The following PRIM2 variants were observed in gnomAD, a reference collection of about 807,000 sequenced individuals.
PRIM2 encodes DNA primase subunit 2.
Under a neutral mutation model 67.3 loss-of-function variants are expected in PRIM2, and 39 were observed. The ratio of observed to expected loss-of-function variants is 0.58; its 90% CI spans 0.45 to 0.76. PRIM2 has a LOEUF of 0.76. Ranked by LOEUF, PRIM2 falls within the 30% of genes least tolerant of loss-of-function variation. The pLI is 0.00. For synonymous variants in PRIM2, 143 were observed against 198.7 expected (o/e 0.72, Z 2.36); for missense variants, 398 against 598.7 (o/e 0.66, Z 3.50).
At chr6:57,583,672 G>A in intron 10 of PRIM2, among the ~76,000 whole-genome samples, 1 of 152,138 alleles carries the variant, frequency 6.6e-6, no homozygotes, top group East Asian at 1.9e-4. Flanking sequence ...ATGATTTATA[G>A]TCCTTGGGGT....
At chr6:57,223,255 C>G in the PRIM2 span, among the ~76,000 whole-genome samples, 18 of 152,098 alleles carry the variant, frequency 1.2e-4, no homozygotes, top group Non-Finnish European at 2.2e-4. Context: ...CTAAGAGGCT[C>G]AAAGTTAGCA....
At chr6:57,227,316 A>T in the PRIM2 span, among the ~76,000 whole-genome samples, 2 of 152,192 alleles carry the variant, frequency 1.3e-5, no homozygotes, top group Non-Finnish European at 1.5e-5. Flanking sequence ...GCTTATTCAC[A>T]ATCAAGTTTT....
upstream of PRIM2, among the ~76,000 whole-genome samples, chr6:57,310,346 T>C (rs1581779578): frequency 2.0e-5 from 3 of 152,314 alleles, no homozygotes; most frequent in African/African-American, 7.2e-5. Context: ...CAGCACATGT[T>C]TCAGAGAGCA....
intron 10 of PRIM2, among the ~76,000 whole-genome samples, chr6:57,571,779 C>G (rs1278410904): frequency 1.3e-5 from 2 of 152,206 alleles, no homozygotes; most frequent in African/African-American, 4.8e-5. Flanking sequence ...GCAAATTTGG[C>G]AAATTAGTCA....
chr6:57,231,615 A>G, the PRIM2 span, among the ~76,000 whole-genome samples: 1 of 152,228 alleles, frequency 6.6e-6, no homozygotes, highest in Non-Finnish European at 1.5e-5. Context: ...ATTAAACAAT[A>G]AGGATATAAT....
chr6:57,487,079 A>G (rs1773771436), intron 7 of PRIM2, among the ~76,000 whole-genome samples: 3 of 152,226 alleles, frequency 2.0e-5, no homozygotes, highest in Non-Finnish European at 4.4e-5. Flanking sequence ...AAAACAATTT[A>G]AAAGATCACT....
chr6:57,590,982 A>T (rs1776272784), intron 10 of PRIM2, among the ~76,000 whole-genome samples: 1 of 152,232 alleles, frequency 6.6e-6, no homozygotes, highest in Admixed American at 6.5e-5. Flanking sequence ...AAACTTGAGT[A>T]TCTGACTTCA....
intron 7 of PRIM2, among the ~76,000 whole-genome samples, chr6:57,500,347 T>C (rs1294169593): frequency 2.0e-5 from 3 of 152,214 alleles, no homozygotes; most frequent in Non-Finnish European, 2.9e-5. Flanking sequence ...TCTTGAACTA[T>C]TGCAAACACA....
intron 7 of PRIM2, among the ~76,000 whole-genome samples, chr6:57,386,767 G>A (rs1770168627): frequency 6.6e-6 from 1 of 151,008 alleles, no homozygotes; most frequent in African/African-American, 2.4e-5. Flanking sequence ...ATTGAGGAAG[G>A]TTTTGACCTT....
intron 4 of PRIM2, 102 bp from the exon 5 acceptor site, chr6:57,325,823 T>C: frequency 2.5e-6 from 3 of 1,189,394 alleles, no homozygotes; most frequent in Non-Finnish European, 3.5e-6. Context: ...CTGCTGTCCA[T>C]TGGCATCTTG....
chr6:57,546,217 A>G (rs1775288303), intron 10 of PRIM2, among the ~76,000 whole-genome samples: 1 of 152,258 alleles, frequency 6.6e-6, no homozygotes, highest in African/African-American at 2.4e-5. Flanking sequence ...ATTTCTGATT[A>G]TATAGGCCAA....
At chr6:57,471,587 G>A (rs1167560854) in intron 7 of PRIM2, among the ~76,000 whole-genome samples, 1 of 152,202 alleles carries the variant, frequency 6.6e-6, no homozygotes, top group African/African-American at 2.4e-5. Context: ...GGTAGTCACT[G>A]CTGTTAGCTA....
At chr6:57,413,541 A>G (rs1428521582) in intron 7 of PRIM2, among the ~76,000 whole-genome samples, 1 of 152,064 alleles carries the variant, frequency 6.6e-6, no homozygotes. Flanking sequence ...CTAATGGACA[A>G]CTCATAACTC....
intron 10 of PRIM2, among the ~76,000 whole-genome samples, chr6:57,548,310 G>T (rs1316155230): frequency 6.6e-6 from 1 of 152,102 alleles, no homozygotes; most frequent in Non-Finnish European, 1.5e-5. Flanking sequence ...CCTGGTCTTA[G>T]CATACAAGAA....
chr6:57,551,168 C>G (rs1458020505), intron 10 of PRIM2, among the ~76,000 whole-genome samples: 2 of 152,134 alleles, frequency 1.3e-5, no homozygotes, highest in African/African-American at 4.8e-5. Flanking sequence ...GTGTGCATTA[C>G]TCTTTATAGT....
chr6:57,547,613 A>G (rs1775314613), intron 10 of PRIM2, among the ~76,000 whole-genome samples: 1 of 152,220 alleles, frequency 6.6e-6, no homozygotes, highest in Non-Finnish European at 1.5e-5. Flanking sequence ...AATTCAAAGC[A>G]TGTGTCCTGT....
intron 5 of PRIM2, among the ~76,000 whole-genome samples, chr6:57,352,835 A>G (rs1253437806): frequency 1.3e-5 from 2 of 151,916 alleles, no homozygotes; most frequent in East Asian, 1.9e-4. Flanking sequence ...GTAGAAGGGG[A>G]AAAAAAATAG....
chr6:57,491,845 G>T (rs1247943642), intron 7 of PRIM2, among the ~76,000 whole-genome samples: 1 of 152,138 alleles, frequency 6.6e-6, no homozygotes, highest in Non-Finnish European at 1.5e-5. Flanking sequence ...GAATACCAGG[G>T]CTTTTATTTA....
chr6:57,473,789 C>T (rs1773395840), intron 7 of PRIM2, among the ~76,000 whole-genome samples: 2 of 152,154 alleles, frequency 1.3e-5, no homozygotes, highest in Admixed American at 1.3e-4. Flanking sequence ...CTTCCACCAC[C>T]CCTGCGCCCT....
Sources: allele counts gnomAD v4.1 joint callset (sites outside exome capture counted in the v4.1 genomes callset), GRCh38; gene constraint gnomAD v4.1.1; transcripts MANE v1.5; gene names NCBI Gene and HGNC (gene_info 2026-07-23, HGNC 2026-07-21).